MROH2B: variants seen among roughly 807,000 people sequenced by gnomAD.
The protein encoded by MROH2B is maestro heat-like repeat-containing protein family member 2B.
A neutral mutation model predicts 208.6 loss-of-function variants in MROH2B; 177 were observed. The ratio of observed to expected loss-of-function variants is 0.85; its 90% confidence interval spans 0.75 to 0.96. The LOEUF (loss-of-function observed/expected upper bound fraction) is 0.96, where lower values mean the gene tolerates loss of function less well. MROH2B is among the 40% of genes least tolerant of loss of function. The probability of loss-of-function intolerance (pLI) is 0.00; values close to 1 mark genes in which losing one functional copy is unlikely to be tolerated. For synonymous variants in MROH2B, 728 were observed against 659.0 expected (o/e 1.10, Z -1.60); for missense variants, 2,002 against 1,878.7 (o/e 1.07, Z -1.21).
chr5:41,029,980 CT>C (rs558303023), intron 24 of MROH2B, among the ~76,000 whole-genome samples: 101 of 151,912 alleles, frequency 6.6e-4, no homozygotes, highest in African/African-American at 2.3e-3. Context: ...GAAACAAAAA[CT>C]TTTGTGCATC....
At chr5:41,004,973 C>T in intron 35 of MROH2B, 53 bp from the exon 36 acceptor site, 3 of 1,583,654 alleles carry the variant, frequency 1.9e-6, no homozygotes, top group Non-Finnish European at 1.7e-6. Flanking sequence ...GCCCCTCCTT[C>T]AGGAGAGTGC....
intron 24 of MROH2B, among the ~76,000 whole-genome samples, chr5:41,029,918 A>G (rs750732038): frequency 6.6e-6 from 1 of 152,122 alleles, no homozygotes. Context: ...CATGCAATAT[A>G]CAAACCTGCA....
intron 24 of MROH2B, among the ~76,000 whole-genome samples, chr5:41,032,030 G>T (rs1038486574): frequency 4.5e-4 from 69 of 152,194 alleles, no homozygotes; most frequent in African/African-American, 1.6e-3. Context: ...GTGCTGCAGT[G>T]AACATACGCA....
At position 40,999,732 on chromosome 5, in the gene MROH2B, G is replaced by A. The variant is rs773722360; in HGVS notation, c.4530C>T (p.Phe1510=). 5 of 1,613,752 alleles carry A rather than the reference G, an allele frequency of 3.1e-6. No individual in the cohort carries two copies. The East Asian group carries it at 1.1e-4, about 36-fold the overall frequency. The part of the protein sequence containing the change: ...EILWILHTHS[F]TFFTSTWEVI... ...CCTCCCAGGTGCTGGTGAAGAAGGT[G>A]AAGGAGTGTGTGTGGAGGATCCACA... The change falls in exon 40 of 42, where the codon TTC becomes TTT. Residue 1510 remains phenylalanine, a synonymous_variant. Transcript: ENST00000399564.
chr5:41,025,053 T>A (rs908770129), intron 24 of MROH2B, among the ~76,000 whole-genome samples: 1 of 152,194 alleles, frequency 6.6e-6, no homozygotes, highest in Non-Finnish European at 1.5e-5. Flanking sequence ...GAGGGAAATT[T>A]ATAGCACTAA....
chr5:41,047,654 TAG>T (rs1281606254), intron 17 of MROH2B, 65 bp downstream of exon 17: 3 of 1,398,532 alleles, frequency 2.1e-6, no homozygotes, highest in Non-Finnish European at 2.0e-6. Flanking sequence ...TCCTTTAATT[TAG>T]GATGGGTAAC....
At chr5:41,028,510 T>C (rs1742457542) in intron 24 of MROH2B, among the ~76,000 whole-genome samples, 1 of 152,206 alleles carries the variant, frequency 6.6e-6, no homozygotes, top group African/African-American at 2.4e-5. Context: ...TTATTCTCCA[T>C]TTCTGTATAT....
chr5:41,025,379 A>C (rs1402081028), intron 24 of MROH2B, among the ~76,000 whole-genome samples: 2 of 152,196 alleles, frequency 1.3e-5, no homozygotes, highest in African/African-American at 4.8e-5. Context: ...CAGAAATACA[A>C]ACTACCATCA....
At chr5:41,060,959 C>G (rs910055533) in intron 6 of MROH2B, among the ~76,000 whole-genome samples, 11 of 152,020 alleles carry the variant, frequency 7.2e-5, no homozygotes, top group Non-Finnish European at 1.5e-4. Flanking sequence ...AAATAGGATA[C>G]CATTTAGCCT....
intron 38 of MROH2B, 97 bp downstream of exon 38, chr5:41,000,581 C>A: frequency 6.9e-7 from 1 of 1,455,776 alleles, no homozygotes; most frequent in Non-Finnish European, 9.1e-7. Flanking sequence ...TAAGGGGTGA[C>A]TTTAGATCTG....
intron 11 of MROH2B, among the ~76,000 whole-genome samples, chr5:41,053,062 A>T (rs931850398): frequency 2.6e-4 from 39 of 152,158 alleles, no homozygotes; most frequent in African/African-American, 9.2e-4. Context: ...TTGGCTCTCA[A>T]AGGCATATTG....
rs764802605 is a variant in MROH2B at position 41,004,762 on chromosome 5, A to G, written c.4011+12T>C. ...ACTTAAATGAACCATTTCCCCTTAA[A>G]ACGCCTTTTACCTTGTGAGGAGCCC... On this transcript the variant is annotated intron_variant, in intron 36 of 41. Coordinates refer to ENST00000399564, the MANE Select transcript of MROH2B (RefSeq NM_173489.5). 2 of 1,607,682 alleles carry G rather than the reference A, an allele frequency of 1.2e-6. No individual in the cohort carries two copies. Among genetic ancestry groups the G allele is most frequent in the Non-Finnish European group, 1.7e-6 (2 of 1,178,102 alleles).
In MROH2B at chr5:41,067,062, G is replaced by A. The variant is rs368837121; in HGVS notation, c.201+46C>T. 41 of 1,086,474 alleles carry A rather than the reference G, an allele frequency of 3.8e-5. No individual in the cohort carries two copies. The African/African-American group carries it at 5.3e-4, about 14-fold the overall frequency. The allele number at this position is 1,086,474 out of a possible 1,614,324, so 67.3% of individuals were successfully genotyped here. On this transcript the variant is annotated intron_variant, in intron 3 of 41. Transcript: ENST00000399564. Reference sequence around the variant, plus strand: ...GCTTACTGATGTCCACATGGGTGCAGTTGGGTCACATAAAGACCCTTTTCA... The same window carrying A: ...GCTTACTGATGTCCACATGGGTGCAATTGGGTCACATAAAGACCCTTTTCA...
intron 37 of MROH2B, among the ~76,000 whole-genome samples, chr5:41,002,959 T>C (rs1579898036): frequency 3.6e-5 from 5 of 140,716 alleles, no homozygotes; most frequent in African/African-American, 1.3e-4. Flanking sequence ...AATTAAAAAT[T>C]GCTTTTTTTT....
intron 11 of MROH2B, 150 bp downstream of exon 11, chr5:41,054,617 T>C: frequency 3.9e-6 from 2 of 508,936 alleles, no homozygotes; most frequent in South Asian, 4.0e-5. Context: ...ATGAAGTTTA[T>C]CTCTTTGGAA....
In MROH2B at chr5:40,999,761, T is replaced by G; in HGVS notation, c.4501A>C (p.Ile1501Leu). The G allele has an allele frequency of 1.2e-6, 2 of 1,613,468 alleles. No individual in the cohort carries two copies. The highest frequency in any genetic ancestry group is 1.7e-6 in the Non-Finnish European group (2 of 1,179,538). Residue 1501 changes from isoleucine to leucine, a missense_variant, in exon 40 of 42, where the codon ATT becomes CTT. Ile to Leu is a conservative substitution (Grantham distance 5). Transcript: ENST00000399564. ...CVKLAKKNQE[I>L]LWILHTHSFT... ...GAGTGTGTGTGGAGGATCCACAGAA[T>G]TTCCTGGTTTTTCTTGGCCTAGAAG...
At chr5:40,998,385 A>C (rs1741276551) in intron 41 of MROH2B, among the ~76,000 whole-genome samples, 1 of 152,210 alleles carries the variant, frequency 6.6e-6, no homozygotes, top group Non-Finnish European at 1.5e-5. Context: ...CAGTAGGTTT[A>C]GGCAATTGGA....
In MROH2B at chr5:41,018,975, G is replaced by T. The variant is rs1315165369; in HGVS notation, c.2485C>A (p.Leu829Ile). Residue 829 changes from leucine (L) to isoleucine (I), a missense_variant, in exon 25 of 42, where the codon CTT (leucine) becomes ATT (isoleucine). Transcript: ENST00000399564. ...QLSLQDHLNI[L>I]EENIRRLLPL... ...AGCAGCCTCCGAATATTCTCCTCAA[G>T]AATGTTAAGGTGGTCTTGTAGTGAG... The T allele has an allele frequency of 1.2e-6, 2 of 1,613,868 alleles. No homozygotes were observed. Among genetic ancestry groups the T allele is most frequent in the South Asian group, 2.2e-5 (2 of 91,074 alleles).
chr5:41,000,959 A>T (rs1324659338), intron 37 of MROH2B, 126 bp from the exon 38 acceptor site: 4 of 1,063,322 alleles, frequency 3.8e-6, no homozygotes, highest in Non-Finnish European at 5.3e-6. Context: ...GCACTTGTCC[A>T]TCATAGTCAC....
Sources: allele counts gnomAD v4.1 joint callset (sites outside exome capture counted in the v4.1 genomes callset), GRCh38; gene constraint gnomAD v4.1.1; transcripts MANE v1.5; gene names NCBI Gene and HGNC (gene_info 2026-07-23, HGNC 2026-07-21).